The following EXOC6 variants were observed in gnomAD, a reference collection of about 807,000 sequenced individuals.
EXOC6 encodes the protein SEC15-like 1.
EXOC6 carries 60 observed loss-of-function variants against 112.5 expected under a neutral mutation model. The observed-to-expected ratio is 0.53, with a 90% CI of 0.43 to 0.66. The LOEUF is 0.66. Ranked by LOEUF, EXOC6 falls within the 30% of genes least tolerant of loss-of-function variation. The probability of loss-of-function intolerance (pLI) is 0.00; values close to 1 mark genes in which losing one functional copy is unlikely to be tolerated. For synonymous variants in EXOC6, 295 were observed against 308.0 expected, an observed-to-expected ratio of 0.96 and a Z score of 0.44; for missense variants, 855 against 957.1, an observed-to-expected ratio of 0.89 and a Z score of 1.41.
intron 12 of EXOC6, 34 bp from the exon 13 acceptor site, chr10:92,940,693 T>G: frequency 1.4e-6 from 2 of 1,389,472 alleles, no homozygotes; most frequent in Non-Finnish European, 2.0e-6. Flanking sequence ...TTTGTACACT[T>G]GTTTATCTGC....
chr10:92,871,498 C>CAAA (rs75179832), intron 1 of EXOC6, among the ~76,000 whole-genome samples: 4 of 67,142 alleles, frequency 6.0e-5, no homozygotes, highest in Non-Finnish European at 6.1e-5. Context: ...GACCCTGTCT[C>CAAA]AAAAAAAAAA....
chr10:93,042,000 T>C (rs1277819782), intron 20 of EXOC6, among the ~76,000 whole-genome samples: 1 of 152,224 alleles, frequency 6.6e-6, no homozygotes, highest in Non-Finnish European at 1.5e-5. Context: ...CCTGGGCCAC[T>C]GCGCCCGGCC....
intron 17 of EXOC6, among the ~76,000 whole-genome samples, chr10:92,964,412 A>C (rs1841959643): frequency 6.6e-6 from 1 of 152,124 alleles, no homozygotes; most frequent in East Asian, 1.9e-4. Context: ...AGTGTAACTA[A>C]CATTAGAAAT....
At chr10:92,989,492 C>CTA (rs765558011) in intron 18 of EXOC6, among the ~76,000 whole-genome samples, 2 of 152,192 alleles carry the variant, frequency 1.3e-5, no homozygotes, top group African/African-American at 4.8e-5. Flanking sequence ...AATACAGTAA[C>CTA]TAAAACCACA....
chr10:92,944,273 A>G (rs925583233), intron 13 of EXOC6, among the ~76,000 whole-genome samples: 3 of 151,550 alleles, frequency 2.0e-5, no homozygotes, highest in East Asian at 1.9e-4. Context: ...TCTTTGCTCT[A>G]TCACCCAGGC....
chr10:92,930,497 C>G (rs1430169584), intron 9 of EXOC6, among the ~76,000 whole-genome samples: 3 of 136,922 alleles, frequency 2.2e-5, no homozygotes, highest in African/African-American at 8.8e-5. Context: ...GAGTGAGACT[C>G]TGTCTCAAAT....
At chr10:92,926,067 AC>A (rs1233858138) in intron 8 of EXOC6, among the ~76,000 whole-genome samples, 1 of 151,484 alleles carries the variant, frequency 6.6e-6, no homozygotes, top group Non-Finnish European at 1.5e-5. Flanking sequence ...AAAAAAAAAA[AC>A]AAATGCCCTA....
At chr10:92,940,377 T>C (rs1403603647) in intron 12 of EXOC6, among the ~76,000 whole-genome samples, 1 of 152,160 alleles carries the variant, frequency 6.6e-6, no homozygotes, top group Non-Finnish European at 1.5e-5. Flanking sequence ...CTTTTCTTCT[T>C]GTATCCTTGG....
intron 20 of EXOC6, among the ~76,000 whole-genome samples, chr10:93,014,979 T>C (rs1844435070): frequency 1.3e-5 from 2 of 152,048 alleles, no homozygotes; most frequent in African/African-American, 2.4e-5. Context: ...ATTAAGTAGC[T>C]TAATAAAGCT....
intron 11 of EXOC6, among the ~76,000 whole-genome samples, chr10:92,935,060 CTATT>C (rs1207142688): frequency 6.6e-6 from 1 of 151,678 alleles, no homozygotes; most frequent in South Asian, 2.1e-4. Context: ...AAAATTTTGT[CTATT>C]TATAATTTTA....
chr10:92,827,875 G>A (rs1846412177), intron 1 of EXOC6, among the ~76,000 whole-genome samples: 1 of 152,140 alleles, frequency 6.6e-6, no homozygotes, highest in Non-Finnish European at 1.5e-5. Flanking sequence ...CTCTCATTCT[G>A]CCTTTCTGAA....
Position 92,940,703 on chromosome 10 carries a change from CTTTTTT to C in EXOC6, c.1213-15_1213-10del. On this transcript the variant is annotated intron_variant, in intron 12 of 21. Transcript: ENST00000260762. The stretch of plus-strand genomic sequence containing the variant: ...ATATTTTTGTACACTTGTTTATCTG[CTTTTTT>C]TTTTTTTTGTATTTTAGGGTTATGG... 1 of 1,230,518 alleles carries C rather than the reference CTTTTTT, an allele frequency of 8.1e-7. No individual in the cohort carries two copies. The highest frequency in any genetic ancestry group is 1.1e-6 in the Non-Finnish European group (1 of 894,976). The allele number at this position is 1,230,518 out of a possible 1,614,324, so 76.2% of individuals were successfully genotyped here. A position where few individuals can be genotyped will look rare whatever the true frequency, so the allele number is the denominator to read the frequency against.
intron 1 of EXOC6, among the ~76,000 whole-genome samples, chr10:92,862,001 T>C (rs541364257): frequency 6.6e-6 from 1 of 152,312 alleles, no homozygotes; most frequent in Admixed American, 6.5e-5. Context: ...AGAGGTAACA[T>C]CAATGTAAAA....
chr10:93,024,557 G>A (rs1044677746), intron 20 of EXOC6, among the ~76,000 whole-genome samples: 3 of 151,952 alleles, frequency 2.0e-5, no homozygotes, highest in Non-Finnish European at 4.4e-5. Flanking sequence ...TCAGCCTCCC[G>A]AGTAGCTGGG....
chr10:92,929,172 A>G (rs1851884676), intron 9 of EXOC6, among the ~76,000 whole-genome samples: 2 of 152,222 alleles, frequency 1.3e-5, no homozygotes, highest in Admixed American at 1.3e-4. Flanking sequence ...CATTATTAGG[A>G]TGAGCTAGAG....
chr10:92,937,830 C>T (rs563963378), intron 12 of EXOC6, among the ~76,000 whole-genome samples: 37 of 152,248 alleles, frequency 2.4e-4, no homozygotes, highest in African/African-American at 8.4e-4. Flanking sequence ...TTTTGCTGTA[C>T]TTAATGACTT....
chr10:93,050,383 T>C (rs1301746108), intron 20 of EXOC6, among the ~76,000 whole-genome samples: 1 of 151,932 alleles, frequency 6.6e-6, no homozygotes, highest in Non-Finnish European at 1.5e-5. Flanking sequence ...AAACCCCGTC[T>C]CTACAAAAAA....
In EXOC6 at chr10:92,869,949, CTT is replaced by C. The variant is rs34082304; in HGVS notation, c.101+21334_101+21335del. On this transcript the variant is annotated intron_variant, in intron 1 of 21. Coordinates refer to ENST00000260762, the MANE Select transcript of EXOC6 (RefSeq NM_019053.6). The stretch of plus-strand genomic sequence containing the variant: ...CATTAGGATAGCTCTGGCTTGTGGG[CTT>C]TTTTTTTTTTTTTTTTTTGAGATAG... Among the ~76,000 whole-genome samples, 93 of 99,988 alleles carry C rather than the reference CTT, an allele frequency of 9.3e-4. No homozygotes were observed. The East Asian group carries it at 0.02, about 21-fold the overall frequency. 65.6% of individuals were successfully genotyped at this position (99,988 alleles called of 152,430 possible).
intron 19 of EXOC6, among the ~76,000 whole-genome samples, chr10:93,005,407 G>A (rs1291139700): frequency 6.6e-6 from 1 of 152,058 alleles, no homozygotes; most frequent in East Asian, 1.9e-4. Context: ...ATTTGCCAAG[G>A]TATGAGAATG....
Sources: allele counts gnomAD v4.1 joint callset (sites outside exome capture counted in the v4.1 genomes callset), GRCh38; gene constraint gnomAD v4.1.1; transcripts MANE v1.5; gene names NCBI Gene and HGNC (gene_info 2026-07-23, HGNC 2026-07-21).